ZFP69: variants seen among roughly 807,000 people sequenced by gnomAD.
ZFP69 encodes zinc finger protein 69 homolog.
ZFP69 carries 35 observed loss-of-function variants against 48.9 expected under a neutral mutation model. The ratio of observed to expected loss-of-function variants is 0.72; its 90% CI spans 0.55 to 0.95. The LOEUF (loss-of-function observed/expected upper bound fraction) is 0.95. ZFP69 is among the 40% of genes least tolerant of loss of function. The pLI is 0.00. For synonymous variants in ZFP69, 193 were observed against 216.8 expected (o/e 0.89, Z 0.96); for missense variants, 557 against 638.4 (o/e 0.87, Z 1.37).
At chr1:40,481,427 T>C (rs1396239743) in intron 2 of ZFP69, among the ~76,000 whole-genome samples, 1 of 152,162 alleles carries the variant, frequency 6.6e-6, no homozygotes, top group Admixed American at 6.5e-5. Context: ...TTGAGGATTT[T>C]TGAACAAAGG....
intron 1 of ZFP69, among the ~76,000 whole-genome samples, chr1:40,478,314 GT>G (rs996444205): frequency 6.6e-6 from 1 of 152,150 alleles, no homozygotes; most frequent in African/African-American, 2.4e-5. Flanking sequence ...ATGGATTTGA[GT>G]TGTTTCCAAA....
chr1:40,493,157 G>C (rs1398721130), intron 5 of ZFP69: 1 of 151,726 alleles, frequency 6.6e-6, no homozygotes, highest in African/African-American at 2.4e-5. Context: ...CCCGGGAGGT[G>C]GAGGTTGCAG....
At chr1:40,483,226 A>ATTTTTTTTTTTTTTTTTTTTTTTTTTT (rs56706952) in intron 3 of ZFP69, among the ~76,000 whole-genome samples, 7 of 116,960 alleles carry the variant, frequency 6.0e-5, no homozygotes, top group East Asian at 2.9e-4. Context: ...ACCTTTTTTA[A>ATTTTTTTTTTTTTTTTTTTTTTTTTTT]TTTTTTTTTT....
Position 40,495,743 on chromosome 1 carries a change from A to G in ZFP69, c.1265A>G (p.His422Arg). 1 of 1,614,232 alleles carries G rather than the reference A, an allele frequency of 6.2e-7. No individual in the cohort carries two copies. Among genetic ancestry groups the G allele is most frequent in the Non-Finnish European group, 8.5e-7 (1 of 1,180,036 alleles). The change falls in exon 6 of 6, where the codon CAT becomes CGT. Residue 422 changes from histidine (H) to arginine (R), a missense_variant. Physicochemically the swap from His to Arg is conservative, Grantham distance 29. Coordinates refer to ENST00000372706, the MANE Select transcript of ZFP69 (RefSeq NM_001320179.2). The part of the protein sequence containing the change: ...ACTACCKTFS[H>R]RAYLTHHQRI... ...ACTGCATGTTGTAAAACCTTTAGTC[A>G]TAGAGCGTATCTAACACATCACCAG...
In ZFP69 at chr1:40,495,658, C is replaced by A; in HGVS notation, c.1180C>A (p.Gln394Lys). 6.2e-7 allele frequency: 1 copy of A among 1,614,206 alleles called. No individual in the cohort carries two copies. Among genetic ancestry groups the A allele is most frequent in the Non-Finnish European group, 8.5e-7 (1 of 1,180,042 alleles). ...CAATGAATGTGGGAAAACCTTTAGA[C>A]AGATTAGACACCTTAGTGAACATAT... ...TCNECGKTFR[Q>K]IRHLSEHIRI... is the part of the protein sequence containing the mutation. Residue 394 changes from glutamine to lysine, a missense_variant, in exon 6 of 6, where the codon CAG becomes AAG. By Grantham distance (53) the Gln-to-Lys change is moderately conservative. Transcript: ENST00000372706.
chr1:40,479,217 C>A lies in ZFP69; in HGVS notation c.-145C>A. 1 of 1,021,396 alleles carries A rather than the reference C, an allele frequency of 9.8e-7. No homozygotes were observed. Among genetic ancestry groups the A allele is most frequent in the Non-Finnish European group, 1.5e-6 (1 of 683,368 alleles). 63.3% of individuals were successfully genotyped at this position (1,021,396 alleles called of 1,614,324 possible). ...AGTCACATCAGTCTCTAGGAACCCC[C>A]AGGTCCTGGTGCTGCAGGGACACAC... On this transcript the variant is annotated 5_prime_UTR_variant, in exon 2 of 6. Coordinates refer to ENST00000372706, the MANE Select transcript of ZFP69 (RefSeq NM_001320179.2).
chr1:40,491,030 A>G (rs1645562544), intron 5 of ZFP69: 2 of 152,144 alleles, frequency 1.3e-5, no homozygotes, highest in East Asian at 1.9e-4. Flanking sequence ...TATTATTCCC[A>G]TGTCTTCGTG....
chr1:40,484,882 G>GTT (rs1491157824), intron 3 of ZFP69, among the ~76,000 whole-genome samples: 1 of 81,486 alleles, frequency 1.2e-5, no homozygotes. Flanking sequence ...CGCCTGGCCT[G>GTT]CTTTTTTTTT....
chr1:40,486,262 G>A (rs529844855), intron 3 of ZFP69, among the ~76,000 whole-genome samples: 2 of 151,914 alleles, frequency 1.3e-5, no homozygotes, highest in African/African-American at 4.8e-5. Context: ...GGTTTGCTGA[G>A]CTTCTTGGAT....
chr1:40,483,482 G>C (rs567652046), intron 3 of ZFP69, among the ~76,000 whole-genome samples: 5 of 151,970 alleles, frequency 3.3e-5, no homozygotes, highest in African/African-American at 1.2e-4. Context: ...TTCTGCCTCG[G>C]CCTCCCAAAG....
At chr1:40,488,692 G>A (rs1645531064) in intron 3 of ZFP69, among the ~76,000 whole-genome samples, 1 of 152,146 alleles carries the variant, frequency 6.6e-6, no homozygotes, top group Admixed American at 6.5e-5. Context: ...AGATTTCCAT[G>A]TGGTTCTTCC....
chr1:40,481,565 T>C (rs941451524), intron 2 of ZFP69, among the ~76,000 whole-genome samples, 198 bp from the exon 3 acceptor site: 2 of 152,126 alleles, frequency 1.3e-5, no homozygotes, highest in African/African-American at 4.8e-5. Context: ...TTTTGATCAC[T>C]GGGAAACATT....
intron 4 of ZFP69, 52 bp from the exon 5 acceptor site, chr1:40,489,477 T>G: frequency 6.6e-7 from 1 of 1,519,490 alleles, no homozygotes; most frequent in Non-Finnish European, 9.0e-7. Flanking sequence ...CTGAGGATGG[T>G]TCTTAGACAT....
chr1:40,491,307 G>T lies in ZFP69; in HGVS notation c.442+1683G>T, dbSNP rs567103464. Reference sequence around the variant, plus strand: ...TGTTTCCAAATTTGGGAGTTACAAAGATGCTACAGCAAACCTTTGTGTACA... The same window carrying T: ...TGTTTCCAAATTTGGGAGTTACAAATATGCTACAGCAAACCTTTGTGTACA... On this transcript the variant is annotated intron_variant, in intron 5 of 5. Transcript: ENST00000372706. 1.2e-4 allele frequency among the ~76,000 whole-genome samples: 18 copies of T among 152,286 alleles called. No homozygotes were observed. In the South Asian group the frequency reaches 3.3e-3, roughly 28 times the overall value.
At position 40,483,532 on chromosome 1, in the gene ZFP69, T is replaced by C. The variant is rs536653330; in HGVS notation, c.219+1678T>C. 6.9e-4 allele frequency among the ~76,000 whole-genome samples: 105 copies of C among 152,224 alleles called. 1 individual carries two copies. Among genetic ancestry groups the C allele is most frequent in the African/African-American group, 2.4e-3 (99 of 41,534 alleles). On this transcript the variant is annotated intron_variant, in intron 3 of 5. Coordinates refer to ENST00000372706, the MANE Select transcript of ZFP69 (RefSeq NM_001320179.2). ...ACGAGCCACTGCACCCAGCCCAAAC[T>C]GTACACTTTCTTAGTGTATTTTCCT...
At chr1:40,489,989 C>G (rs1399139315) in intron 5 of ZFP69, among the ~76,000 whole-genome samples, 3 of 151,610 alleles carry the variant, frequency 2.0e-5, no homozygotes, top group Non-Finnish European at 4.4e-5. Context: ...CCTGCCTCAG[C>G]CTCCCGAGTA....
At position 40,494,401 on chromosome 1, in the gene ZFP69, T is replaced by C. The variant is rs868054431; in HGVS notation, c.443-520T>C. Among the ~76,000 whole-genome samples, 350 of 143,704 alleles carry C rather than the reference T, an allele frequency of 2.4e-3. 2 individuals carry two copies. The highest frequency in any genetic ancestry group is 8.1e-3 in the African/African-American group (323 of 39,762). 94.3% of individuals were successfully genotyped at this position (143,704 alleles called of 152,430 possible). ...CTCCTGCCTCAGCCTCCCGAGTAGC[T>C]GGGACTACAGGCGCCCGCCACTACG... On this transcript the variant is annotated intron_variant, in intron 5 of 5. Coordinates refer to ENST00000372706, the MANE Select transcript of ZFP69 (RefSeq NM_001320179.2).
At chr1:40,479,602 T>G in intron 2 of ZFP69, 114 bp downstream of exon 2, 1 of 1,374,788 alleles carries the variant, frequency 7.3e-7, no homozygotes, top group Non-Finnish European at 9.6e-7. Context: ...TGGGGGTTCA[T>G]TCTTGTGGTT....
At chr1:40,484,233 T>A (rs1346574153) in intron 3 of ZFP69, among the ~76,000 whole-genome samples, 1 of 152,176 alleles carries the variant, frequency 6.6e-6, no homozygotes, top group Non-Finnish European at 1.5e-5. Flanking sequence ...AGAGTCTCCC[T>A]CTGTCACCCA....
Sources: allele counts gnomAD v4.1 joint callset (sites outside exome capture counted in the v4.1 genomes callset), GRCh38; gene constraint gnomAD v4.1.1; transcripts MANE v1.5; gene names NCBI Gene and HGNC (gene_info 2026-07-23, HGNC 2026-07-21).